The following LRP1B variants were observed in gnomAD, a reference collection of about 807,000 sequenced individuals.
LRP1B encodes LDL receptor related protein 1B, also known as low-density lipoprotein receptor-related protein 1B.
In LRP1B, 217 loss-of-function variants were observed where a neutral mutation model predicts 556.6. The ratio of observed to expected loss-of-function variants is 0.39; its 90% CI spans 0.35 to 0.44. The LOEUF is 0.44. Among genes scored for constraint, LRP1B ranks in the 20% least tolerant of loss-of-function variants. The probability of loss-of-function intolerance (pLI) is 1.00; values close to 1 mark genes in which losing one functional copy is unlikely to be tolerated. For missense variants in LRP1B, 5,053 were observed against 5,620.8 expected (o/e 0.90, Z 3.23); for synonymous variants, 2,047 against 1,865.8 (o/e 1.10, Z -2.50).
chr2:141,898,998 C>T lies in LRP1B; in HGVS notation c.83-88597G>A, dbSNP rs533475918. On this transcript the variant is annotated intron_variant, in intron 1 of 90. Coordinates refer to ENST00000389484, the MANE Select transcript of LRP1B (RefSeq NM_018557.3). ...GGCCACAGCCTTTTGCACAGATATA[C>T]GTCTGCCAAATTGTTCTCTATCACT... is the stretch of plus-strand genomic sequence containing the variant. Among the ~76,000 whole-genome samples the T allele has an allele frequency of 9.9e-5, 15 of 152,214 alleles. No individual in the cohort carries two copies. In the East Asian group the frequency reaches 2.1e-3, roughly 22 times the overall value.
At chr2:141,253,168 G>C (rs1684329017) in intron 4 of LRP1B, among the ~76,000 whole-genome samples, 1 of 152,126 alleles carries the variant, frequency 6.6e-6, no homozygotes, top group Admixed American at 6.6e-5. Context: ...AGTGGAAAGA[G>C]CACGAATGTT....
chr2:141,064,868 T>G (rs1699435730), intron 7 of LRP1B, among the ~76,000 whole-genome samples: 1 of 151,916 alleles, frequency 6.6e-6, no homozygotes, highest in African/African-American at 2.4e-5. Context: ...ATATAAATGT[T>G]GTTGGGTTAA....
At chr2:141,137,021 A>G (rs919119632) in intron 7 of LRP1B, among the ~76,000 whole-genome samples, 4 of 138,238 alleles carry the variant, frequency 2.9e-5, no homozygotes, top group Non-Finnish European at 6.1e-5. Flanking sequence ...CAAAATGTGC[A>G]GTCTTTCATT....
At chr2:140,637,856 T>G (rs1384945748) in intron 41 of LRP1B, among the ~76,000 whole-genome samples, 1 of 152,190 alleles carries the variant, frequency 6.6e-6, no homozygotes, top group Non-Finnish European at 1.5e-5. Context: ...TTCAATAAAA[T>G]TTGACCATGT....
chr2:140,716,568 G>A, intron 36 of LRP1B, 114 bp downstream of exon 36: 1 of 1,058,142 alleles, frequency 9.5e-7, no homozygotes, highest in Non-Finnish European at 1.3e-6. Context: ...TACCCCTGTG[G>A]CTAGAAGTAC....
At chr2:140,660,266 TGTTAA>T (rs1239263709) in intron 41 of LRP1B, among the ~76,000 whole-genome samples, 2 of 152,114 alleles carry the variant, frequency 1.3e-5, no homozygotes, top group Admixed American at 1.3e-4. Context: ...TTTTAGACAA[TGTTAA>T]GTTAAATACC....
intron 41 of LRP1B, among the ~76,000 whole-genome samples, chr2:140,662,420 A>G (rs995998316): frequency 3.3e-5 from 5 of 152,156 alleles, no homozygotes; most frequent in African/African-American, 9.6e-5. Flanking sequence ...GAAGAGGGTA[A>G]TAATACAAGG....
At chr2:140,855,204 A>G (rs1376294672) in intron 27 of LRP1B, among the ~76,000 whole-genome samples, 1 of 151,698 alleles carries the variant, frequency 6.6e-6, no homozygotes, top group East Asian at 1.9e-4. Flanking sequence ...CTAACCTGGT[A>G]CTCAACTCTC....
intron 58 of LRP1B, among the ~76,000 whole-genome samples, chr2:140,485,807 T>C (rs544689110): frequency 6.6e-6 from 1 of 151,216 alleles, no homozygotes; most frequent in African/African-American, 2.4e-5. Flanking sequence ...TGTTAATCTA[T>C]TCATCCTCTT....
At chr2:142,097,419 CA>C (rs11355539) in intron 1 of LRP1B, among the ~76,000 whole-genome samples, 138,622 of 151,456 alleles carry the variant, frequency 0.92, 63,477 homozygotes, top group East Asian at 1. Flanking sequence ...AATACATGTG[CA>C]AAAAAAAGAA....
At chr2:140,479,336 A>T (rs1688122776) in intron 59 of LRP1B, among the ~76,000 whole-genome samples, 1 of 151,838 alleles carries the variant, frequency 6.6e-6, no homozygotes, top group Non-Finnish European at 1.5e-5. Context: ...AATTAAAGCT[A>T]AAAATGACAA....
chr2:140,532,947 T>TATATATATATATATATACAC lies in LRP1B; in HGVS notation c.7762+1073_7762+1074insGTGTATATATATATATATAT. Reference sequence around the variant, plus strand: ...AGCACAAGATATATATATATATATATACACATATATATCTCGATCTGTTTA... The same window carrying TATATATATATATATATACAC: ...AGCACAAGATATATATATATATATATATATATATATATATATACACACACATATATATCTCGATCTGTTTA... On this transcript the variant is annotated intron_variant, in intron 47 of 90. Transcript: ENST00000389484. Among the ~76,000 whole-genome samples the TATATATATATATATATACAC allele has an allele frequency of 7.2e-5, 9 of 124,316 alleles. 1 individual carries two copies. The highest frequency in any genetic ancestry group is 2.9e-4 in the African/African-American group (9 of 31,522). The allele number at this position is 124,316 out of a possible 152,430, so 81.6% of individuals were successfully genotyped here.
intron 3 of LRP1B, among the ~76,000 whole-genome samples, chr2:141,272,334 C>T (rs571290009): frequency 1.8e-3 from 269 of 151,772 alleles, no homozygotes; most frequent in African/African-American, 6.1e-3. Flanking sequence ...ATGAAATAAA[C>T]TATTAAAATA....
chr2:141,896,128 T>C (rs1558946593), intron 1 of LRP1B, among the ~76,000 whole-genome samples: 1 of 152,176 alleles, frequency 6.6e-6, no homozygotes, highest in Admixed American at 6.6e-5. Flanking sequence ...CGCCAAAATA[T>C]ATTTGAAGTA....
At chr2:140,654,392 G>A (rs1684802004) in intron 41 of LRP1B, among the ~76,000 whole-genome samples, 1 of 152,076 alleles carries the variant, frequency 6.6e-6, no homozygotes, top group African/African-American at 2.4e-5. Flanking sequence ...TCGGTATTTA[G>A]GATGTTTTGT....
intron 3 of LRP1B, among the ~76,000 whole-genome samples, chr2:141,457,650 TG>T (rs1281105260): frequency 7.2e-5 from 2 of 27,842 alleles, no homozygotes; most frequent in African/African-American, 1.6e-4. Flanking sequence ...TTGACATGTC[TG>T]TGGGGGCACC....
At chr2:141,809,045 A>G (rs527277561) in intron 2 of LRP1B, among the ~76,000 whole-genome samples, 22 of 152,204 alleles carry the variant, frequency 1.4e-4, no homozygotes, top group African/African-American at 5.3e-4. Context: ...TGTCTATGCT[A>G]TAAGGAATCT....
chr2:141,541,238 A>G (rs906329990), intron 2 of LRP1B, among the ~76,000 whole-genome samples: 3 of 152,048 alleles, frequency 2.0e-5, no homozygotes, highest in Admixed American at 6.6e-5. Context: ...GAATACAGGC[A>G]TAATCAAGAA....
chr2:140,280,847 A>G (rs1439702692), intron 84 of LRP1B, among the ~76,000 whole-genome samples: 1 of 151,818 alleles, frequency 6.6e-6, no homozygotes, highest in African/African-American at 2.4e-5. Context: ...AATCTGTTCT[A>G]AGAAAGTAGA....
Sources: allele counts gnomAD v4.1 joint callset (sites outside exome capture counted in the v4.1 genomes callset), GRCh38; gene constraint gnomAD v4.1.1; transcripts MANE v1.5; gene names NCBI Gene and HGNC (gene_info 2026-07-23, HGNC 2026-07-21).